Variants in PLAC1 observed in about 807,000 individuals in gnomAD.
PLAC1 encodes placenta-specific protein 1.
For synonymous variants in PLAC1, 68 were observed against 62.1 expected, an observed-to-expected ratio of 1.09 and a Z score of -0.44; for missense variants, 136 against 163.2, an observed-to-expected ratio of 0.83 and a Z score of 0.91.
chrX:134,762,821 C>CAAAAAAAAAAAAAAAAAAAAA (rs60721487), intron 1 of PLAC1, among the ~76,000 whole-genome samples: 46 of 14,818 alleles, frequency 3.1e-3, no homozygotes, highest in East Asian at 0.013. Flanking sequence ...GGCTCTATCT[C>CAAAAAAAAAAAAAAAAAAAAA]AAAAAAAAAA....
In PLAC1 at chrX:134,566,381, G is replaced by T. The variant is rs1446164777; in HGVS notation, c.302C>A (p.Ser101Tyr). The T allele has an allele frequency of 2.5e-6, 3 of 1,211,652 alleles. No individual in the cohort carries two copies. Among genetic ancestry groups the T allele is most frequent in the Non-Finnish European group, 3.4e-6 (3 of 895,319 alleles). ...MVIYSTEIHY[S>Y]SKGTPSKFVI... ...AAACTTAGATGGCGTGCCCTTAGAA[G>T]AGTAGTGTATCTCAGTGCTGTAGAT... The change falls in exon 3 of 3, where the codon TCT (serine) becomes TAT (tyrosine). Residue 101 changes from serine to tyrosine, a missense_variant. Ser to Tyr is a moderately radical substitution (Grantham distance 144, BLOSUM62 -2). Coordinates refer to ENST00000359237, the MANE Select transcript of PLAC1 (RefSeq NM_021796.4).
At chrX:134,640,854 G>C (rs2078304449) in intron 1 of PLAC1, among the ~76,000 whole-genome samples, 1 of 112,350 alleles carries the variant, frequency 8.9e-6, no homozygotes, top group African/African-American at 3.2e-5. Context: ...GCTCGCACTT[G>C]TAATCCCAAA....
chrX:134,681,522 C>T (rs2078495700), intron 2 of PLAC1, among the ~76,000 whole-genome samples: 1 of 111,769 alleles, frequency 8.9e-6, no homozygotes, highest in Admixed American at 9.5e-5. Context: ...TATTAAAAAG[C>T]TATGCTGTGC....
intron 2 of PLAC1, among the ~76,000 whole-genome samples, chrX:134,665,919 G>A (rs2078435315): frequency 9.0e-6 from 1 of 110,945 alleles, no homozygotes; most frequent in Non-Finnish European, 1.9e-5. Flanking sequence ...TTGGCTAGGG[G>A]CCACCTCAAG....
At chrX:134,696,572 T>C (rs1196194041) in intron 2 of PLAC1, among the ~76,000 whole-genome samples, 1 of 108,890 alleles carries the variant, frequency 9.2e-6, no homozygotes, top group Non-Finnish European at 1.9e-5. Flanking sequence ...AATCTGGGAG[T>C]CGTAGCTTGG....
chrX:134,650,662 A>G (rs1182289300), intron 1 of PLAC1, among the ~76,000 whole-genome samples: 1 of 112,547 alleles, frequency 8.9e-6, no homozygotes, highest in Non-Finnish European at 1.9e-5. Context: ...AATGAAACCA[A>G]TATTCACAAG....
rs750964924 is a variant in PLAC1, at chrX:134,748,255, G to A, written n.90-14736C>T. Among the ~76,000 whole-genome samples the A allele has an allele frequency of 3.8e-3, 408 of 108,412 alleles. 1 individual carries two copies. The highest frequency in any genetic ancestry group is 0.012 in the African/African-American group (370 of 29,635). 94.1% of individuals were successfully genotyped at this position (108,412 alleles called of 115,157 possible). A position where few individuals can be genotyped will look rare whatever the true frequency, so the allele number is the denominator to read the frequency against. On this transcript the variant is annotated intron_variant and non_coding_transcript_variant, in intron 1 of 2. Transcript: ENST00000466797. ...TGAGACAGGAGAATCACTTGAACCC[G>A]GGAGGCGGAGGTTGCAGTGGGCCAA...
At chrX:134,709,336 ACAAC>A (rs2078620638) in intron 2 of PLAC1, among the ~76,000 whole-genome samples, 1 of 112,653 alleles carries the variant, frequency 8.9e-6, no homozygotes, top group East Asian at 2.8e-4. Context: ...TGGCATTAAA[ACAAC>A]GTAGGCCAGG....
chrX:134,651,325 G>A, intron 1 of PLAC1: 1 of 182,724 alleles, frequency 5.5e-6, no homozygotes, highest in East Asian at 1.3e-4. Context: ...AGAACAATGT[G>A]GCACACAAGG....
At chrX:134,647,090 C>T (rs1478782320) in intron 1 of PLAC1, among the ~76,000 whole-genome samples, 2 of 111,708 alleles carry the variant, frequency 1.8e-5, no homozygotes, top group East Asian at 2.8e-4. Context: ...GGGGACAGAA[C>T]CTGAGAAGCA....
intron 1 of PLAC1, among the ~76,000 whole-genome samples, chrX:134,657,569 T>C (rs757672611): frequency 1.8e-5 from 2 of 112,204 alleles, no homozygotes; most frequent in South Asian, 3.8e-4. Flanking sequence ...GACAAGTTAT[T>C]AGAGCTGCTG....
At chrX:134,745,958 G>T (rs1325851661) in intron 1 of PLAC1, among the ~76,000 whole-genome samples, 2 of 111,810 alleles carry the variant, frequency 1.8e-5, no homozygotes, top group African/African-American at 6.5e-5. Context: ...TGCTGGGTTA[G>T]AAAACACCAG....
intron 2 of PLAC1, among the ~76,000 whole-genome samples, chrX:134,718,412 C>G (rs1198977494): frequency 1.8e-5 from 2 of 112,355 alleles, no homozygotes; most frequent in Non-Finnish European, 3.8e-5. Context: ...AAAGATCACC[C>G]TGCTCTCCAG....
At chrX:134,647,470 C>T (rs1262530835) in intron 1 of PLAC1, among the ~76,000 whole-genome samples, 1 of 106,880 alleles carries the variant, frequency 9.4e-6, no homozygotes, top group African/African-American at 3.5e-5. Flanking sequence ...TCCCGAGTGT[C>T]CCCCAGCCTC....
intron 2 of PLAC1, among the ~76,000 whole-genome samples, chrX:134,695,530 T>C (rs1276733917): frequency 8.9e-6 from 1 of 112,081 alleles, no homozygotes; most frequent in Non-Finnish European, 1.9e-5. Flanking sequence ...CTTCACTTTC[T>C]GTCTGTATCT....
At chrX:134,711,724 G>A (rs999837417) in intron 2 of PLAC1, among the ~76,000 whole-genome samples, 24 of 111,863 alleles carry the variant, frequency 2.1e-4, no homozygotes, top group Non-Finnish European at 3.8e-5. Context: ...ATTACAGCCA[G>A]ATGTACATCT....
rs756543504 is a variant in PLAC1, at chrX:134,625,880, A to G, written c.-130-23758T>C. Among the ~76,000 whole-genome samples the G allele has an allele frequency of 2.7e-5, 3 of 110,967 alleles. No individual in the cohort carries two copies. In the South Asian group the frequency reaches 1.2e-3, roughly 44 times the overall value. ...GTCTCGGAGGCTGTAGGGTTTAAGAATATTTTGGAAGCTCACCTCATCCAA... is the reference window on the plus strand; with the variant it reads ...GTCTCGGAGGCTGTAGGGTTTAAGAGTATTTTGGAAGCTCACCTCATCCAA... On this transcript the variant is annotated intron_variant, in intron 1 of 2. Coordinates refer to ENST00000359237, the MANE Select transcript of PLAC1 (RefSeq NM_021796.4).
intron 1 of PLAC1, among the ~76,000 whole-genome samples, chrX:134,631,841 C>T (rs1392728109): frequency 8.9e-6 from 1 of 111,944 alleles, no homozygotes; most frequent in Non-Finnish European, 1.9e-5. Flanking sequence ...CAGCTGTGGC[C>T]TCACAGTGTT....
chrX:134,612,627 A>G (rs2078159365), intron 1 of PLAC1, among the ~76,000 whole-genome samples: 2 of 112,020 alleles, frequency 1.8e-5, no homozygotes, highest in African/African-American at 6.5e-5. Flanking sequence ...AACATACATA[A>G]GGAAATACAC....
Sources: allele counts gnomAD v4.1 joint callset (sites outside exome capture counted in the v4.1 genomes callset), GRCh38; gene constraint gnomAD v4.1.1; transcripts MANE v1.5; gene names NCBI Gene and HGNC (gene_info 2026-07-23, HGNC 2026-07-21).